The following MGAT4A variants were observed in gnomAD, a reference collection of about 807,000 sequenced individuals.
MGAT4A encodes alpha-1,3-mannosyl-glycoprotein 4-beta-N-acetylglucosaminyltransferase A.
A neutral mutation model predicts 74.1 loss-of-function variants in MGAT4A; 33 were observed. The ratio of observed to expected loss-of-function variants is 0.45; its 90% CI spans 0.34 to 0.60. MGAT4A has a LOEUF of 0.60. MGAT4A is among the 20% of genes least tolerant of loss of function. MGAT4A has a pLI of 0.02. For synonymous variants in MGAT4A, 198 were observed against 210.4 expected (o/e 0.94, Z 0.51); for missense variants, 479 against 628.3 (o/e 0.76, Z 2.54).
chr2:98,679,866 G>A (rs551471858), intron 2 of MGAT4A, among the ~76,000 whole-genome samples: 1 of 152,266 alleles, frequency 6.6e-6, no homozygotes, highest in South Asian at 2.1e-4. Flanking sequence ...CTGAGAGATG[G>A]TGGAAGAAGC....
At position 98,622,415 on chromosome 2, in the gene MGAT4A, A is replaced by G. The variant is rs1575236017; in HGVS notation, c.*3151T>C. 4.1e-6 allele frequency: 4 copies of G among 985,290 alleles called. No individual in the cohort carries two copies. Among genetic ancestry groups the G allele is most frequent in the Non-Finnish European group, 4.8e-6 (4 of 829,790 alleles). The allele number at this position is 985,290 out of a possible 1,614,324, so 61.0% of individuals were successfully genotyped here. ...AAATGTTTTTATTTAAACAGCCCCC[A>G]TGTGTCTACTGGCTATATGTGTTTT... On this transcript the variant is annotated 3_prime_UTR_variant, in exon 16 of 16. Transcript: ENST00000393487.
chr2:98,639,581 C>G (rs969805775), intron 12 of MGAT4A, among the ~76,000 whole-genome samples: 33 of 152,000 alleles, frequency 2.2e-4, no homozygotes, highest in African/African-American at 8.0e-4. Context: ...ATACTAAGTC[C>G]AGAAATACCA....
intron 2 of MGAT4A, among the ~76,000 whole-genome samples, chr2:98,700,446 AG>A (rs533305534): frequency 1.2e-3 from 176 of 151,308 alleles, no homozygotes; most frequent in Non-Finnish European, 1.8e-3. Context: ...TCTATCTATA[AG>A]GTAGGTCTCA....
At chr2:98,669,372 T>C (rs1701880318) in intron 4 of MGAT4A, among the ~76,000 whole-genome samples, 1 of 152,168 alleles carries the variant, frequency 6.6e-6, no homozygotes, top group Admixed American at 6.5e-5. Context: ...CCTGCTGCCA[T>C]CCACGTAAGA....
rs1701122085 is a variant in MGAT4A at position 98,624,909 on chromosome 2, G to A, written c.*657C>T. On this transcript the variant is annotated 3_prime_UTR_variant, in exon 16 of 16. Coordinates refer to ENST00000393487, the MANE Select transcript of MGAT4A (RefSeq NM_012214.3). Reference sequence around the variant, plus strand: ...TGAAAATATTTTGTTCAGTCACTGTGATTATAAAAGTACTTCAATTAAGAA... The same window carrying A: ...TGAAAATATTTTGTTCAGTCACTGTAATTATAAAAGTACTTCAATTAAGAA... 2.1e-5 allele frequency: 21 copies of A among 983,920 alleles called. 1 individual carries two copies. The South Asian group carries it at 9.4e-4, about 44-fold the overall frequency. 60.9% of individuals were successfully genotyped at this position (983,920 alleles called of 1,614,324 possible). A position where few individuals can be genotyped will look rare whatever the true frequency, so the allele number is the denominator to read the frequency against.
intron 9 of MGAT4A, 74 bp downstream of exon 9, chr2:98,645,354 A>C: frequency 7.4e-6 from 8 of 1,087,486 alleles, no homozygotes; most frequent in Non-Finnish European, 1.1e-5. Context: ...CTTTAGGACA[A>C]GTAGCTACTT....
intron 14 of MGAT4A, among the ~76,000 whole-genome samples, chr2:98,633,269 C>T (rs560076587): frequency 6.6e-6 from 1 of 152,222 alleles, no homozygotes; most frequent in African/African-American, 2.4e-5. Flanking sequence ...GGGCAGATGC[C>T]ACAGCCCTAG....
rs577501123 is a variant in MGAT4A, at chr2:98,619,131, A to C, written c.*6435T>G. On this transcript the variant is annotated 3_prime_UTR_variant, in exon 16 of 16. Transcript: ENST00000393487. Reference sequence around the variant, plus strand: ...TTAAGTTTCACCTATTTTTATTAGAAGGAATCTTGAATTCAACATGGCTTT... The same window carrying C: ...TTAAGTTTCACCTATTTTTATTAGACGGAATCTTGAATTCAACATGGCTTT... 2.0e-5 allele frequency: 3 copies of C among 152,768 alleles called. No individual in the cohort carries two copies. Among genetic ancestry groups the C allele is most frequent in the Non-Finnish European group, 2.9e-5 (2 of 68,014 alleles). The allele number at this position is 152,768 out of a possible 1,614,324, so 9.5% of individuals were successfully genotyped here. A position where few individuals can be genotyped will look rare whatever the true frequency, so the allele number is the denominator to read the frequency against.
intron 2 of MGAT4A, among the ~76,000 whole-genome samples, chr2:98,710,421 T>G (rs6742760): frequency 0.27 from 41,422 of 152,148 alleles, 6,545 homozygotes; most frequent in Non-Finnish European, 0.36. Context: ...TGCAAAAATT[T>G]AAAGACAAGG....
At chr2:98,700,902 A>C (rs1444329416) in intron 2 of MGAT4A, among the ~76,000 whole-genome samples, 1 of 152,140 alleles carries the variant, frequency 6.6e-6, no homozygotes, top group Non-Finnish European at 1.5e-5. Flanking sequence ...AAAAAAAAAA[A>C]AAAAACAATC....
intron 8 of MGAT4A, among the ~76,000 whole-genome samples, chr2:98,646,422 G>A (rs1701486446): frequency 6.6e-6 from 1 of 152,034 alleles, no homozygotes; most frequent in African/African-American, 2.4e-5. Flanking sequence ...CAATTACTGA[G>A]GCCAGGCACA....
At chr2:98,637,393 T>C (rs1701339517) in intron 12 of MGAT4A, among the ~76,000 whole-genome samples, 1 of 151,908 alleles carries the variant, frequency 6.6e-6, no homozygotes, top group Non-Finnish European at 1.5e-5. Flanking sequence ...TACAAATAAC[T>C]TTAATATTAG....
intron 6 of MGAT4A, among the ~76,000 whole-genome samples, chr2:98,657,984 T>C (rs984352194): frequency 6.6e-6 from 1 of 152,176 alleles, no homozygotes; most frequent in Non-Finnish European, 1.5e-5. Context: ...TAGTGTTACA[T>C]ACATAGGACA....
At position 98,621,059 on chromosome 2, in the gene MGAT4A, A is replaced by G. The variant is rs138166271; in HGVS notation, c.*4507T>C. The G allele has an allele frequency of 4.1e-4, 70 of 170,278 alleles. 1 individual carries two copies. The highest frequency in any genetic ancestry group is 1.6e-3 in the African/African-American group (66 of 42,306). 10.5% of individuals were successfully genotyped at this position (170,278 alleles called of 1,614,324 possible). A position where few individuals can be genotyped will look rare whatever the true frequency, so the allele number is the denominator to read the frequency against. On this transcript the variant is annotated 3_prime_UTR_variant, in exon 16 of 16. Transcript: ENST00000393487. ...TCCAGCATACTACAGGGAATCAAGTATGAAGATTTCCTCTTTACCTCTTTT... is the reference window on the plus strand; with the variant it reads ...TCCAGCATACTACAGGGAATCAAGTGTGAAGATTTCCTCTTTACCTCTTTT...
chr2:98,677,997 G>A (rs1702000376), intron 3 of MGAT4A, among the ~76,000 whole-genome samples: 1 of 151,002 alleles, frequency 6.6e-6, no homozygotes, highest in African/African-American at 2.4e-5. Context: ...TTGGGAGGCT[G>A]AGGGGGTGGA....
intron 14 of MGAT4A, among the ~76,000 whole-genome samples, chr2:98,631,807 T>G (rs1701238762): frequency 6.6e-6 from 1 of 152,180 alleles, no homozygotes. Context: ...TACAGAAAGC[T>G]TCTGTCCTTG....
intron 8 of MGAT4A, among the ~76,000 whole-genome samples, chr2:98,648,894 A>G (rs895009756): frequency 1.7e-5 from 2 of 120,546 alleles, no homozygotes; most frequent in African/African-American, 8.8e-5. Flanking sequence ...AAATTAACCC[A>G]GTATGGTGGT....
At chr2:98,712,483 A>C (rs559090471) in intron 2 of MGAT4A, among the ~76,000 whole-genome samples, 1 of 152,358 alleles carries the variant, frequency 6.6e-6, no homozygotes, top group East Asian at 1.9e-4. Context: ...TACAGGAAAG[A>C]CAGGTAAATG....
intron 4 of MGAT4A, 73 bp from the exon 5 acceptor site, chr2:98,663,252 G>C (rs1701778727): frequency 1.1e-5 from 17 of 1,529,248 alleles, no homozygotes; most frequent in Non-Finnish European, 1.5e-5. Flanking sequence ...TATTTCAAAA[G>C]TATTATACCC....
Sources: allele counts gnomAD v4.1 joint callset (sites outside exome capture counted in the v4.1 genomes callset), GRCh38; gene constraint gnomAD v4.1.1; transcripts MANE v1.5; gene names NCBI Gene and HGNC (gene_info 2026-07-23, HGNC 2026-07-21).